Variants in PTPRD observed in about 807,000 individuals in gnomAD.
PTPRD encodes the protein protein tyrosine phosphatase receptor type D, also known as receptor-type tyrosine-protein phosphatase delta.
Under a neutral mutation model 214.5 loss-of-function variants are expected in PTPRD, and 34 were observed. The observed-to-expected ratio is 0.16, with a 90% CI of 0.12 to 0.21. The LOEUF (loss-of-function observed/expected upper bound fraction) is 0.21, where lower values mean the gene tolerates loss of function less well. Among genes scored for constraint, PTPRD ranks in the 10% least tolerant of loss-of-function variants. The pLI is 1.00. For missense variants in PTPRD, 2,545 were observed against 2,398.7 expected (o/e 1.06, Z -1.27); for synonymous variants, 1,128 against 845.7 (o/e 1.33, Z -5.79).
chr9:9,606,249 G>T (rs1248422450), intron 7 of PTPRD, among the ~76,000 whole-genome samples: 1 of 152,026 alleles, frequency 6.6e-6, no homozygotes, highest in South Asian at 2.1e-4. Context: ...TTTATCGATG[G>T]AGATGTCATT....
intron 3 of PTPRD, among the ~76,000 whole-genome samples, chr9:10,213,715 T>A (rs2099527598): frequency 6.6e-6 from 1 of 152,130 alleles, no homozygotes; most frequent in South Asian, 2.1e-4. Context: ...TTTATTGAAG[T>A]AAGATCTGCC....
rs74907526 is a variant in PTPRD, at chr9:9,465,450, T to C, written c.-236-67968A>G. Among the ~76,000 whole-genome samples the C allele has an allele frequency of 5.2e-3, 791 of 152,278 alleles. 32 individuals are homozygous for C. The East Asian group carries it at 0.077, about 15-fold the overall frequency. On this transcript the variant is annotated intron_variant, in intron 8 of 45. Transcript: ENST00000381196. ...TGATTGTTTGAGTCAGAGGAGTCCA[T>C]TACTCAAGTGTAAGAATATAACATT...
chr9:8,605,227 A>C (rs891548508), intron 14 of PTPRD, among the ~76,000 whole-genome samples: 3 of 152,192 alleles, frequency 2.0e-5, no homozygotes, highest in African/African-American at 7.2e-5. Flanking sequence ...TGGGTGAGCA[A>C]ATTTTGAAGT....
intron 7 of PTPRD, among the ~76,000 whole-genome samples, chr9:9,586,108 C>T (rs1355067948): frequency 2.0e-5 from 3 of 151,910 alleles, no homozygotes; most frequent in South Asian, 4.2e-4. Context: ...GGGCTAGTTG[C>T]GGTGGAGGTG....
intron 9 of PTPRD, among the ~76,000 whole-genome samples, chr9:9,186,767 C>A (rs1187184828): frequency 6.6e-6 from 1 of 151,838 alleles, no homozygotes; most frequent in Non-Finnish European, 1.5e-5. Flanking sequence ...AGTTTTCCAC[C>A]TTCACAGAAA....
intron 8 of PTPRD, among the ~76,000 whole-genome samples, chr9:9,406,943 A>G (rs1476618100): frequency 2.0e-5 from 3 of 151,664 alleles, no homozygotes; most frequent in Non-Finnish European, 4.4e-5. Flanking sequence ...CTGGAGCTCA[A>G]CAGATTAGAT....
chr9:10,409,311 A>C (rs1156662241), intron 2 of PTPRD, among the ~76,000 whole-genome samples: 1 of 151,766 alleles, frequency 6.6e-6, no homozygotes, highest in East Asian at 2.0e-4. Context: ...TAAAATTTAT[A>C]AAGTTGTGTA....
intron 2 of PTPRD, among the ~76,000 whole-genome samples, chr9:10,385,805 T>A (rs2097903738): frequency 6.6e-6 from 1 of 151,792 alleles, no homozygotes; most frequent in South Asian, 2.1e-4. Flanking sequence ...GATTCTCTGG[T>A]GAAAGGTGAT....
intron 21 of PTPRD, among the ~76,000 whole-genome samples, chr9:8,511,091 C>G (rs1190605283): frequency 6.6e-6 from 1 of 151,892 alleles, no homozygotes; most frequent in Non-Finnish European, 1.5e-5. Context: ...AGTTTTGAGA[C>G]AAGGTCTTAC....
chr9:10,121,501 G>A (rs1439347095), intron 3 of PTPRD, among the ~76,000 whole-genome samples: 3 of 152,084 alleles, frequency 2.0e-5, no homozygotes, highest in Non-Finnish European at 4.4e-5. Context: ...AACAAAACAC[G>A]AGCAATATAA....
intron 5 of PTPRD, among the ~76,000 whole-genome samples, chr9:9,895,572 A>AC (rs2074731209): frequency 2.6e-5 from 4 of 152,048 alleles, no homozygotes. Flanking sequence ...AATGGTGATA[A>AC]CCAGAATCCA....
intron 5 of PTPRD, among the ~76,000 whole-genome samples, chr9:9,880,088 G>C (rs528279169): frequency 6.6e-6 from 1 of 152,152 alleles, no homozygotes; most frequent in African/African-American, 2.4e-5. Context: ...GGAGGTGATT[G>C]GATCATGGGG....
intron 5 of PTPRD, among the ~76,000 whole-genome samples, chr9:9,855,523 C>G (rs977027008): frequency 4.3e-4 from 65 of 152,140 alleles, no homozygotes; most frequent in Non-Finnish European, 8.5e-4. Context: ...AGGATATTTT[C>G]CTGATCCTTT....
intron 5 of PTPRD, among the ~76,000 whole-genome samples, chr9:9,859,865 T>A (rs894508711): frequency 2.0e-5 from 3 of 152,192 alleles, no homozygotes; most frequent in African/African-American, 7.2e-5. Context: ...TGTACCGTTT[T>A]CTTCAAACTT....
At chr9:8,438,059 G>C (rs149481449) in intron 34 of PTPRD, among the ~76,000 whole-genome samples, 5 of 152,300 alleles carry the variant, frequency 3.3e-5, no homozygotes, top group African/African-American at 9.6e-5. Flanking sequence ...AAAAGAATGA[G>C]GGAGGAGCTC....
intron 11 of PTPRD, 83 bp from the exon 12 acceptor site, chr9:8,734,029 C>G: frequency 1.6e-6 from 1 of 610,078 alleles, no homozygotes; most frequent in Non-Finnish European, 2.9e-6. Flanking sequence ...CTGGTTCCAT[C>G]ACAATCACCA....
chr9:9,067,094 T>G (rs1347776750), intron 10 of PTPRD, among the ~76,000 whole-genome samples: 1 of 152,068 alleles, frequency 6.6e-6, no homozygotes, highest in Non-Finnish European at 1.5e-5. Flanking sequence ...AATAAAAAAA[T>G]TTAGCCCTCG....
intron 6 of PTPRD, among the ~76,000 whole-genome samples, chr9:9,745,133 A>G (rs954825148): frequency 2.0e-5 from 3 of 152,064 alleles, no homozygotes; most frequent in African/African-American, 7.2e-5. Context: ...AAAATAGTTA[A>G]CCAGAAGAAA....
chr9:9,923,281 T>C (rs1208097355), intron 5 of PTPRD, among the ~76,000 whole-genome samples: 3 of 150,150 alleles, frequency 2.0e-5, no homozygotes, highest in Non-Finnish European at 4.4e-5. Flanking sequence ...TTGTAATGAA[T>C]AGAAGAGTGG....
Sources: gnomAD v4.1 joint callset for allele counts (sites outside exome capture counted in the v4.1 genomes callset) on GRCh38, gnomAD v4.1.1 for gene constraint, MANE v1.5 for transcripts, NCBI Gene and HGNC (gene_info 2026-07-23, HGNC 2026-07-21) for gene names.